Variants in EXT1 observed in about 807,000 individuals in gnomAD.
EXT1 encodes exostosin glycosyltransferase 1.
EXT1 carries 20 observed loss-of-function variants against 82.5 expected under a neutral mutation model. The observed-to-expected ratio is 0.24, with a 90% CI of 0.17 to 0.35. The LOEUF is 0.35. Among genes scored for constraint, EXT1 ranks in the 10% least tolerant of loss-of-function variants. EXT1 has a pLI of 1.00. For missense variants in EXT1, 757 were observed against 936.5 expected, an observed-to-expected ratio of 0.81 and a Z score of 2.50; for synonymous variants, 348 against 350.8, an observed-to-expected ratio of 0.99 and a Z score of 0.09.
chr8:118,065,883 G>C (rs1816976394), intron 1 of EXT1, among the ~76,000 whole-genome samples: 1 of 152,204 alleles, frequency 6.6e-6, no homozygotes, highest in Non-Finnish European at 1.5e-5. Flanking sequence ...CTGCCGCTAA[G>C]TATCTGCCTG....
chr8:118,055,292 T>C (rs956647179), intron 1 of EXT1, among the ~76,000 whole-genome samples: 2 of 152,226 alleles, frequency 1.3e-5, no homozygotes, highest in Admixed American at 6.5e-5. Context: ...TTTGGGATCA[T>C]CCATGTCAGC....
At chr8:117,926,281 G>T (rs895565625) in intron 1 of EXT1, among the ~76,000 whole-genome samples, 1 of 152,128 alleles carries the variant, frequency 6.6e-6, no homozygotes, top group African/African-American at 2.4e-5. Context: ...AAATATTTTA[G>T]ACAGATGTAT....
rs1823103555 is a variant in EXT1, at chr8:117,797,522, A to G, written c.*2190T>C. 6.6e-6 allele frequency: 1 copy of G among 152,242 alleles called. No homozygotes were observed. Among genetic ancestry groups the G allele is most frequent in the Admixed American group, 6.5e-5 (1 of 15,286 alleles). The allele number at this position is 152,242 out of a possible 1,614,324, so 9.4% of individuals were successfully genotyped here. ...AGCCAATATGACCACCTAAGTTTCAAGTTGGTTTTGGGGTCATTGAACAAA... is the reference window on the plus strand; with the variant it reads ...AGCCAATATGACCACCTAAGTTTCAGGTTGGTTTTGGGGTCATTGAACAAA... On this transcript the variant is annotated 3_prime_UTR_variant, in exon 11 of 11. Transcript: ENST00000378204.
intron 1 of EXT1, among the ~76,000 whole-genome samples, chr8:117,977,369 A>G (rs928622364): frequency 2.7e-5 from 4 of 147,670 alleles, no homozygotes; most frequent in African/African-American, 2.5e-5. Flanking sequence ...CCTGGGCAAT[A>G]GAGCAAGACT....
At chr8:117,851,898 G>A (rs1011619806) in intron 1 of EXT1, among the ~76,000 whole-genome samples, 2 of 152,184 alleles carry the variant, frequency 1.3e-5, no homozygotes, top group African/African-American at 4.8e-5. Context: ...GTCTGAAAAG[G>A]GTTGGAATGG....
At chr8:117,974,474 T>C (rs1815026151) in intron 1 of EXT1, among the ~76,000 whole-genome samples, 1 of 152,088 alleles carries the variant, frequency 6.6e-6, no homozygotes, top group Non-Finnish European at 1.5e-5. Flanking sequence ...CACCTGGAAT[T>C]TTTGTTTGTC....
At chr8:117,998,567 C>G (rs1365794639) in intron 1 of EXT1, among the ~76,000 whole-genome samples, 3 of 152,164 alleles carry the variant, frequency 2.0e-5, no homozygotes, top group African/African-American at 7.2e-5. Context: ...GGATTACAGG[C>G]ATGAACTATT....
chr8:117,824,680 C>T (rs1053599998), intron 4 of EXT1, among the ~76,000 whole-genome samples: 1 of 152,142 alleles, frequency 6.6e-6, no homozygotes, highest in Non-Finnish European at 1.5e-5. Context: ...CCATTTATTA[C>T]ATAGTGGTAA....
chr8:117,946,326 C>T (rs190945167), intron 1 of EXT1, among the ~76,000 whole-genome samples: 242 of 152,228 alleles, frequency 1.6e-3, no homozygotes, highest in African/African-American at 5.7e-3. Flanking sequence ...CTCAGTTTTC[C>T]CCTTGGCATA....
chr8:117,961,470 T>A (rs546213665), intron 1 of EXT1, among the ~76,000 whole-genome samples: 15 of 152,216 alleles, frequency 9.9e-5, no homozygotes, highest in Admixed American at 2.0e-4. Context: ...ATAGTGAATG[T>A]AAGCAAAACC....
intron 1 of EXT1, among the ~76,000 whole-genome samples, chr8:117,899,255 G>C (rs1179998992): frequency 6.6e-6 from 1 of 152,182 alleles, no homozygotes; most frequent in African/African-American, 2.4e-5. Flanking sequence ...CACTGGAAAG[G>C]TGAGTTTTTA....
At chr8:117,858,023 C>A (rs1181316874) in intron 1 of EXT1, among the ~76,000 whole-genome samples, 4 of 152,078 alleles carry the variant, frequency 2.6e-5, no homozygotes, top group Non-Finnish European at 4.4e-5. Context: ...AGAAGTGCAG[C>A]CTGAAGATGT....
intron 1 of EXT1, among the ~76,000 whole-genome samples, chr8:118,085,623 T>C (rs1193468016): frequency 6.6e-6 from 1 of 151,954 alleles, no homozygotes. Flanking sequence ...TTCACTTTAC[T>C]GCAAACTTTA....
intron 1 of EXT1, among the ~76,000 whole-genome samples, chr8:117,898,256 C>T (rs1207164532): frequency 6.6e-6 from 1 of 152,190 alleles, no homozygotes; most frequent in Non-Finnish European, 1.5e-5. Flanking sequence ...GGTCTCCACC[C>T]TTATTTCCTT....
At chr8:117,971,685 C>A (rs1239931920) in intron 1 of EXT1, among the ~76,000 whole-genome samples, 1 of 152,162 alleles carries the variant, frequency 6.6e-6, no homozygotes, top group Non-Finnish European at 1.5e-5. Flanking sequence ...AGCACCCCTG[C>A]TCTCCACCAA....
At chr8:117,925,304 T>A (rs1187026085) in intron 1 of EXT1, among the ~76,000 whole-genome samples, 2 of 151,502 alleles carry the variant, frequency 1.3e-5, no homozygotes, top group Non-Finnish European at 2.9e-5. Flanking sequence ...GCATTTAGTA[T>A]GGTCTCTGGC....
chr8:118,096,498 G>C (rs922891806), intron 1 of EXT1, among the ~76,000 whole-genome samples: 3 of 152,038 alleles, frequency 2.0e-5, no homozygotes, highest in Admixed American at 2.0e-4. Flanking sequence ...GTACTCAGGA[G>C]GCTGAGGCAG....
At chr8:117,878,604 C>T (rs1291694261) in intron 1 of EXT1, among the ~76,000 whole-genome samples, 1 of 152,180 alleles carries the variant, frequency 6.6e-6, no homozygotes, top group Non-Finnish European at 1.5e-5. Flanking sequence ...AGCTTAAAAT[C>T]TCTCAAAGGG....
intron 4 of EXT1, among the ~76,000 whole-genome samples, chr8:117,828,644 T>G (rs1812046882): frequency 6.6e-6 from 1 of 152,168 alleles, no homozygotes; most frequent in Admixed American, 6.5e-5. Flanking sequence ...TTAGCTACTG[T>G]GAACAGAGGT....
Sources: gnomAD v4.1 joint callset for allele counts (sites outside exome capture counted in the v4.1 genomes callset) on GRCh38, gnomAD v4.1.1 for gene constraint, MANE v1.5 for transcripts, NCBI Gene and HGNC (gene_info 2026-07-23, HGNC 2026-07-21) for gene names.